Variants in SPTLC3 observed in about 807,000 individuals in gnomAD.
SPTLC3 encodes serine palmitoyltransferase 3.
In SPTLC3, 36 loss-of-function variants were observed where a neutral mutation model predicts 59.3. The observed-to-expected ratio is 0.61, with a 90% CI of 0.47 to 0.80. The LOEUF (loss-of-function observed/expected upper bound fraction) is 0.80, where lower values mean the gene tolerates loss of function less well. Ranked by LOEUF, SPTLC3 falls within the 30% of genes least tolerant of loss-of-function variation. The pLI, the probability that SPTLC3 is intolerant of heterozygous loss-of-function variation, is 0.00. For synonymous variants in SPTLC3, 257 were observed against 240.8 expected (o/e 1.07, Z -0.62); for missense variants, 625 against 685.1 (o/e 0.91, Z 0.98).
chr20:13,041,851 TAG>T (rs1316849197), intron 1 of SPTLC3, among the ~76,000 whole-genome samples: 1 of 152,100 alleles, frequency 6.6e-6, no homozygotes, highest in East Asian at 1.9e-4. Context: ...GGTTGCCACT[TAG>T]AGAGTGCAGA....
intron 4 of SPTLC3, among the ~76,000 whole-genome samples, chr20:13,086,262 C>T (rs181000149): frequency 5.3e-5 from 8 of 152,316 alleles, no homozygotes; most frequent in Admixed American, 2.0e-4. Flanking sequence ...AGCAAAGCTT[C>T]TAGTGACTAC....
At chr20:13,027,578 C>T (rs1034803283) in intron 1 of SPTLC3, among the ~76,000 whole-genome samples, 2 of 152,060 alleles carry the variant, frequency 1.3e-5, no homozygotes, top group African/African-American at 4.8e-5. Context: ...CACTTCCCCT[C>T]ATAAGAACAG....
Position 13,167,429 on chromosome 20 carries a change from C to T in SPTLC3, c.*2562C>T, listed in dbSNP as rs1009766201. On this transcript the variant is annotated 3_prime_UTR_variant, in exon 12 of 12. Coordinates refer to ENST00000399002, the MANE Select transcript of SPTLC3 (RefSeq NM_018327.4). ...AGAATTTTCTATAATGTTATGCGCACTCAGCCCTTCTGTTCACATTTACAC... is the reference window on the plus strand; with the variant it reads ...AGAATTTTCTATAATGTTATGCGCATTCAGCCCTTCTGTTCACATTTACAC... The T allele has an allele frequency of 4.6e-5, 7 of 152,124 alleles. No individual in the cohort carries two copies. Among genetic ancestry groups the T allele is most frequent in the African/African-American group, 1.7e-4 (7 of 41,404 alleles). 9.4% of individuals were successfully genotyped at this position (152,124 alleles called of 1,614,324 possible). A position where few individuals can be genotyped will look rare whatever the true frequency, so the allele number is the denominator to read the frequency against.
At position 13,074,364 on chromosome 20, in the gene SPTLC3, C is replaced by T. The variant is rs1299035022; in HGVS notation, c.474C>T (p.Val158=). The change falls in exon 4 of 12, where the codon GTC becomes GTT. Residue 158 remains valine, a synonymous_variant. Coordinates refer to ENST00000399002, the MANE Select transcript of SPTLC3 (RefSeq NM_018327.4). ...YNWTFRFTGR[V]IKDVINMGSY... ...TTCCCCACAGGTTTACTGGAAGAGT[C>T]ATCAAAGATGTCATCAACATGGGCT... 9.9e-6 allele frequency: 16 copies of T among 1,613,990 alleles called. No homozygotes were observed. The highest frequency in any genetic ancestry group is 1.3e-5 in the Non-Finnish European group (15 of 1,179,916).
intron 9 of SPTLC3, among the ~76,000 whole-genome samples, chr20:13,135,917 C>T (rs1490327800): frequency 2.6e-5 from 4 of 152,158 alleles, no homozygotes; most frequent in Non-Finnish European, 5.9e-5. Flanking sequence ...TTTTGTATCA[C>T]ATGGATGAAA....
intron 1 of SPTLC3, among the ~76,000 whole-genome samples, chr20:13,029,504 C>T (rs1426917102): frequency 6.6e-6 from 1 of 150,972 alleles, no homozygotes; most frequent in Non-Finnish European, 1.5e-5. Context: ...GTTATTTTTT[C>T]CTATATTATA....
intron 9 of SPTLC3, among the ~76,000 whole-genome samples, chr20:13,151,632 C>A (rs1416636704): frequency 6.6e-6 from 1 of 152,176 alleles, no homozygotes; most frequent in Non-Finnish European, 1.5e-5. Context: ...AACTAAATCT[C>A]CATTTCTCTG....
rs370128245 is a variant in SPTLC3 at position 13,031,230 on chromosome 20, G to A, written c.118-17715G>A. On this transcript the variant is annotated intron_variant, in intron 1 of 11. Transcript: ENST00000399002. ...GCTCTATAAATGTCCTGTCCAGTAA[G>A]GTAGCCACCAACTACATGAGAATAT... 2.9e-3 allele frequency among the ~76,000 whole-genome samples: 437 copies of A among 152,276 alleles called. 4 individuals carry two copies. Among genetic ancestry groups the A allele is most frequent in the African/African-American group, 0.01 (422 of 41,546 alleles).
At chr20:13,104,027 G>A (rs1488179680) in intron 6 of SPTLC3, among the ~76,000 whole-genome samples, 1 of 152,122 alleles carries the variant, frequency 6.6e-6, no homozygotes. Flanking sequence ...GTAAGAACAG[G>A]CACAGGCTCA....
chr20:13,130,305 T>C (rs1236044660), intron 9 of SPTLC3, among the ~76,000 whole-genome samples: 3 of 152,206 alleles, frequency 2.0e-5, no homozygotes, highest in Non-Finnish European at 4.4e-5. Context: ...AGAGCTGCCT[T>C]ACAGGATCTG....
intron 9 of SPTLC3, among the ~76,000 whole-genome samples, chr20:13,143,429 G>T (rs1197135628): frequency 6.6e-6 from 1 of 152,204 alleles, no homozygotes; most frequent in Non-Finnish European, 1.5e-5. Context: ...ATAACAGTAT[G>T]CAGTGGGCAT....
In SPTLC3 at chr20:13,117,569, C is replaced by T. The variant is rs559324899; in HGVS notation, c.996C>T (p.Tyr332=). Residue 332 remains tyrosine (Y), a synonymous_variant, in exon 8 of 12, where the codon TAC becomes TAT. Coordinates refer to ENST00000399002, the MANE Select transcript of SPTLC3 (RefSeq NM_018327.4). ...IIALKKKYKA[Y]LYIDEAHSIG... is the part of the protein sequence containing the mutation. The stretch of plus-strand genomic sequence containing the variant: ...CTCTAAAGAAGAAATACAAGGCTTA[C>T]CTCTACATAGATGAAGCTCACAGTA... 2 of 1,613,812 alleles carry T rather than the reference C, an allele frequency of 1.2e-6. No individual in the cohort carries two copies. Among genetic ancestry groups the T allele is most frequent in the South Asian group, 2.2e-5 (2 of 91,032 alleles).
At chr20:13,131,828 C>T (rs1002509603) in intron 9 of SPTLC3, among the ~76,000 whole-genome samples, 4 of 152,148 alleles carry the variant, frequency 2.6e-5, no homozygotes, top group African/African-American at 9.7e-5. Context: ...TGTCACTTCC[C>T]CACTGAGAAC....
At chr20:13,078,901 C>A (rs912056994) in intron 4 of SPTLC3, among the ~76,000 whole-genome samples, 1 of 151,860 alleles carries the variant, frequency 6.6e-6, no homozygotes, top group Non-Finnish European at 1.5e-5. Context: ...TTTAAGTAAT[C>A]AAAAATTTAT....
rs1286501749 is a variant in SPTLC3, at chr20:13,011,391, A to G, written c.117+2007A>G. 2.0e-5 allele frequency among the ~76,000 whole-genome samples: 3 copies of G among 152,176 alleles called. No homozygotes were observed. In the East Asian group the frequency reaches 5.8e-4, roughly 29 times the overall value. On this transcript the variant is annotated intron_variant, in intron 1 of 11. Transcript: ENST00000399002. ...TGCCTGGCCTAACGTCTTCTGCCGCAGCATCTAAGATCCTACCAGCCCCTC... is the reference window on the plus strand; with the variant it reads ...TGCCTGGCCTAACGTCTTCTGCCGCGGCATCTAAGATCCTACCAGCCCCTC...
At chr20:13,104,157 G>C (rs1568602864) in intron 6 of SPTLC3, among the ~76,000 whole-genome samples, 2 of 152,174 alleles carry the variant, frequency 1.3e-5, no homozygotes. Context: ...GGCTAGGACT[G>C]TTTTGCACTA....
At position 13,016,512 on chromosome 20, in the gene SPTLC3, G is replaced by T. The variant is rs1211586057; in HGVS notation, c.117+7128G>T. ...GAAAACATAAATAACTTACCCCAAG[G>T]TCACACAACTAGAACAAAACTGGGA... On this transcript the variant is annotated intron_variant, in intron 1 of 11. Transcript: ENST00000399002. Among the ~76,000 whole-genome samples, 4 of 152,028 alleles carry T rather than the reference G, an allele frequency of 2.6e-5. No individual in the cohort carries two copies. In the East Asian group the frequency reaches 7.7e-4, roughly 29 times the overall value.
In SPTLC3 at chr20:13,126,705, G is replaced by A. The variant is rs763665364; in HGVS notation, c.1267G>A (p.Gly423Arg). 1.2e-6 allele frequency: 2 copies of A among 1,613,820 alleles called. No homozygotes were observed. The highest frequency in any genetic ancestry group is 2.7e-5 in the African/African-American group (2 of 74,904). ...RSLKLIMGLD[G>R]TTQGLQRVQQ... ...ACTAAAACTTATCATGGGACTGGAT[G>A]GGACCACTCAAGGTAAGAGGATCTG... is the stretch of plus-strand genomic sequence containing the variant. Residue 423 changes from glycine to arginine, a missense_variant, in exon 9 of 12, where the codon GGG becomes AGG. Coordinates refer to ENST00000399002, the MANE Select transcript of SPTLC3 (RefSeq NM_018327.4).
intron 9 of SPTLC3, among the ~76,000 whole-genome samples, chr20:13,131,946 A>T (rs1476333743): frequency 6.6e-6 from 1 of 151,794 alleles, no homozygotes; most frequent in African/African-American, 2.4e-5. Flanking sequence ...CGCTCAGCCT[A>T]CTACAGGCAG....
Sources: allele counts gnomAD v4.1 joint callset (sites outside exome capture counted in the v4.1 genomes callset), GRCh38; gene constraint gnomAD v4.1.1; transcripts MANE v1.5; gene names NCBI Gene and HGNC (gene_info 2026-07-23, HGNC 2026-07-21).